STON1: variants seen among roughly 807,000 people sequenced by gnomAD.
The protein encoded by STON1 is stonin-1.
A neutral mutation model predicts 60.9 loss-of-function variants in STON1; 79 were observed. The ratio of observed to expected loss-of-function variants is 1.30; its 90% confidence interval spans 1.08 to 1.56. STON1 has a LOEUF of 1.56. Among genes scored for constraint, STON1 ranks in the 40% most tolerant of loss-of-function variants. The probability of loss-of-function intolerance (pLI) is 0.00; values close to 1 mark genes in which losing one functional copy is unlikely to be tolerated. For synonymous variants in STON1, 363 were observed against 306.9 expected (o/e 1.18, Z -1.91); for missense variants, 1,166 against 858.9 (o/e 1.36, Z -4.47).
intron 1 of STON1, among the ~76,000 whole-genome samples, chr2:48,541,260 C>T (rs929381527): frequency 6.6e-6 from 1 of 150,962 alleles, no homozygotes; most frequent in Admixed American, 6.6e-5. Flanking sequence ...TGAGGCAGGA[C>T]AGTCACTTGA....
At chr2:48,585,279 G>C (rs768817699) in intron 2 of STON1, among the ~76,000 whole-genome samples, 10 of 151,700 alleles carry the variant, frequency 6.6e-5, no homozygotes, top group Non-Finnish European at 1.3e-4. Context: ...ATGGAGTGTT[G>C]CTCTGTCACC....
In STON1 at chr2:48,591,840, T is replaced by C; in HGVS notation, c.2118T>C (p.Ala706=). 1 of 1,614,106 alleles carries C rather than the reference T, an allele frequency of 6.2e-7. No individual in the cohort carries two copies. The highest frequency in any genetic ancestry group is 8.5e-7 in the Non-Finnish European group (1 of 1,180,000). Residue 706 remains alanine (A), a synonymous_variant, in exon 3 of 4, where the codon GCT becomes GCC. Transcript: ENST00000404752. ...VQPQKHVQQR[A]CYNIQVEIEK... Reference sequence around the variant, plus strand: ...CACAGAAACATGTTCAGCAGCGAGCTTGCTACAACATCCAGGTACATCCCA... The same window carrying C: ...CACAGAAACATGTTCAGCAGCGAGCCTGCTACAACATCCAGGTACATCCCA...
intron 1 of STON1, among the ~76,000 whole-genome samples, chr2:48,563,570 C>G (rs982069020): frequency 6.6e-6 from 1 of 152,176 alleles, no homozygotes; most frequent in African/African-American, 2.4e-5. Flanking sequence ...TACAAAAGGC[C>G]GAGGTGTCCA....
intron 1 of STON1, among the ~76,000 whole-genome samples, chr2:48,572,927 C>T (rs1360290712): frequency 6.6e-6 from 1 of 152,198 alleles, no homozygotes; most frequent in Non-Finnish European, 1.5e-5. Context: ...GAAATGGCCT[C>T]CAGGGAGCCA....
chr2:48,533,891 A>C (rs1353698645), intron 1 of STON1, among the ~76,000 whole-genome samples: 1 of 149,462 alleles, frequency 6.7e-6, no homozygotes, highest in Non-Finnish European at 1.5e-5. Flanking sequence ...TGCCTCAGCC[A>C]CCCGAGTACC....
intron 1 of STON1, among the ~76,000 whole-genome samples, chr2:48,533,951 T>C (rs1035425095): frequency 6.6e-6 from 1 of 151,920 alleles, no homozygotes; most frequent in Non-Finnish European, 1.5e-5. Flanking sequence ...GTATTTTTAG[T>C]AGAGATGGGG....
At position 48,580,590 on chromosome 2, in the gene STON1, C is replaced by A. The variant is rs769605309; in HGVS notation, c.-44C>A. 3.0e-6 allele frequency: 4 copies of A among 1,320,158 alleles called. No individual in the cohort carries two copies. The highest frequency in any genetic ancestry group is 3.1e-5 in the South Asian group (1 of 32,616). 81.8% of individuals were successfully genotyped at this position (1,320,158 alleles called of 1,614,324 possible). ...CTTTATTTTATTTTTTTAACAGAGT[C>A]AACCTATTTGATTTCTTGACAAGAC... On this transcript the variant is annotated 5_prime_UTR_variant, in exon 2 of 4. Transcript: ENST00000404752.
chr2:48,578,715 C>G (rs902962065), intron 1 of STON1, among the ~76,000 whole-genome samples: 6 of 151,448 alleles, frequency 4.0e-5, no homozygotes, highest in African/African-American at 1.5e-4. Context: ...ACCACCATGC[C>G]TGGCTAATTT....
intron 2 of STON1, among the ~76,000 whole-genome samples, chr2:48,587,824 A>G (rs905638963): frequency 5.9e-5 from 9 of 152,224 alleles, no homozygotes; most frequent in African/African-American, 1.9e-4. Flanking sequence ...AGGTCTGTGC[A>G]CAAAGAGGAG....
intron 2 of STON1, among the ~76,000 whole-genome samples, chr2:48,589,952 C>G (rs1461651795): frequency 1.3e-5 from 2 of 152,188 alleles, no homozygotes; most frequent in African/African-American, 2.4e-5. Context: ...CACAACAGCC[C>G]TTATAAGGTT....
chr2:48,590,446 C>T (rs1179011263), intron 2 of STON1, among the ~76,000 whole-genome samples: 2 of 152,076 alleles, frequency 1.3e-5, no homozygotes, highest in Admixed American at 6.6e-5. Flanking sequence ...GATGGAAATG[C>T]TCTTTCTCTA....
At position 48,581,008 on chromosome 2, in the gene STON1, T is replaced by A. The variant is rs2103913249; in HGVS notation, c.375T>A (p.Pro125=). ...AISGGESSLL[P]TRPTCLSHAL... is the part of the protein sequence containing the mutation. ...CAGGAGGAGAATCTTCCTTACTGCC[T>A]ACCAGACCAACATGTTTATCCCATG... Residue 125 remains proline (P), a synonymous_variant, in exon 2 of 4, where the codon CCT becomes CCA. Transcript: ENST00000404752. The A allele has an allele frequency of 6.4e-7, 1 of 1,573,096 alleles. No homozygotes were observed. The highest frequency in any genetic ancestry group is 2.2e-5 in the East Asian group (1 of 44,574).
Position 48,537,875 on chromosome 2 carries a change from A to G in STON1, c.-48+7659A>G, listed in dbSNP as rs1297744570. 4.0e-5 allele frequency among the ~76,000 whole-genome samples: 6 copies of G among 150,074 alleles called. No homozygotes were observed. In the East Asian group the frequency reaches 7.8e-4, roughly 20 times the overall value. On this transcript the variant is annotated intron_variant, in intron 1 of 3. Transcript: ENST00000404752. The stretch of plus-strand genomic sequence containing the variant: ...AAAAAAAAAAAAAGAAAAAAAAAGG[A>G]AAAAAAAAGGAAATTGTTCTTATAT...
At chr2:48,570,367 C>A (rs1673140530) in intron 1 of STON1, among the ~76,000 whole-genome samples, 1 of 151,990 alleles carries the variant, frequency 6.6e-6, no homozygotes, top group African/African-American at 2.4e-5. Context: ...AATATGATTT[C>A]TTAAGTGGGA....
intron 1 of STON1, among the ~76,000 whole-genome samples, chr2:48,547,389 A>G (rs948242074): frequency 3.9e-5 from 6 of 152,228 alleles, no homozygotes; most frequent in Non-Finnish European, 7.3e-5. Flanking sequence ...AGAGCTGCAA[A>G]GATGAGACCA....
chr2:48,535,114 T>G (rs1393043839), intron 1 of STON1, among the ~76,000 whole-genome samples: 2 of 152,108 alleles, frequency 1.3e-5, no homozygotes, highest in Non-Finnish European at 2.9e-5. Flanking sequence ...CATCATTCTT[T>G]GCAGCGTCAG....
At chr2:48,569,482 T>C (rs1422909431) in intron 1 of STON1, among the ~76,000 whole-genome samples, 2 of 152,234 alleles carry the variant, frequency 1.3e-5, no homozygotes, top group Non-Finnish European at 2.9e-5. Flanking sequence ...ACTTAATTTG[T>C]GGAAAAGTGA....
chr2:48,538,305 T>C (rs546911079), intron 1 of STON1, among the ~76,000 whole-genome samples: 9 of 152,286 alleles, frequency 5.9e-5, no homozygotes, highest in African/African-American at 1.9e-4. Flanking sequence ...AGATTATCTG[T>C]TTCTTAAAAT....
At chr2:48,569,653 A>G (rs1409457074) in intron 1 of STON1, among the ~76,000 whole-genome samples, 3 of 152,236 alleles carry the variant, frequency 2.0e-5, no homozygotes, top group Admixed American at 6.5e-5. Flanking sequence ...ATTTTTTCCT[A>G]TGATGGCTTG....
Sources: gnomAD v4.1 joint callset for allele counts (sites outside exome capture counted in the v4.1 genomes callset) on GRCh38, gnomAD v4.1.1 for gene constraint, MANE v1.5 for transcripts, NCBI Gene and HGNC (gene_info 2026-07-23, HGNC 2026-07-21) for gene names.